Variants in RNF150 observed in about 807,000 individuals in gnomAD.
RNF150 encodes the protein ring finger protein 150.
RNF150 carries 24 observed loss-of-function variants against 39.3 expected under a neutral mutation model. The ratio of observed to expected loss-of-function variants is 0.61; its 90% CI spans 0.44 to 0.86. The LOEUF is 0.86. RNF150 is among the 40% of genes least tolerant of loss of function. RNF150 has a pLI of 0.00. For synonymous variants in RNF150, 255 were observed against 227.3 expected, an observed-to-expected ratio of 1.12 and a Z score of -1.10; for missense variants, 502 against 587.8, an observed-to-expected ratio of 0.85 and a Z score of 1.51.
At chr4:141,137,897 G>A (rs939318503), upstream of RNF150, among the ~76,000 whole-genome samples, 3 of 152,144 alleles carry the variant, frequency 2.0e-5, no homozygotes, top group African/African-American at 7.2e-5. Context: ...GCCCAGATAA[G>A]ATGGAATTAG....
intron 1 of RNF150, among the ~76,000 whole-genome samples, chr4:141,118,216 C>CCATCTAGAACACTCTACAA (rs1229722349): frequency 6.6e-6 from 1 of 152,148 alleles, no homozygotes; most frequent in Admixed American, 6.6e-5. Flanking sequence ...AATTGATAGG[C>CCATCTAGAACACTCTACAA]TGCTTAGACA....
chr4:141,108,074 T>A (rs1341133765), intron 1 of RNF150, among the ~76,000 whole-genome samples: 1 of 152,214 alleles, frequency 6.6e-6, no homozygotes, highest in Admixed American at 6.5e-5. Context: ...AGTGGAGATG[T>A]CGCAGTTCCC....
At chr4:140,875,163 GTTTT>G (rs58742685) in intron 6 of RNF150, among the ~76,000 whole-genome samples, 4 of 122,600 alleles carry the variant, frequency 3.3e-5, no homozygotes, top group Non-Finnish European at 3.5e-5. Flanking sequence ...CAATCATTAC[GTTTT>G]TTTTTTTTTT....
chr4:140,924,534 A>C (rs1197554271), intron 5 of RNF150, among the ~76,000 whole-genome samples: 1 of 151,754 alleles, frequency 6.6e-6, no homozygotes, highest in East Asian at 1.9e-4. Flanking sequence ...TCTCTGTCTC[A>C]TTGTGAGAAC....
At chr4:141,010,897 G>A (rs1735051798) in intron 1 of RNF150, among the ~76,000 whole-genome samples, 1 of 152,106 alleles carries the variant, frequency 6.6e-6, no homozygotes, top group South Asian at 2.1e-4. Flanking sequence ...AATGGGTGTA[G>A]CTTGAAGAAG....
At chr4:141,062,593 G>C (rs1737280168) in intron 1 of RNF150, among the ~76,000 whole-genome samples, 1 of 152,004 alleles carries the variant, frequency 6.6e-6, no homozygotes, top group Non-Finnish European at 1.5e-5. Flanking sequence ...TCCTTATCAA[G>C]AGCTTCTGCA....
At chr4:141,197,385 TGAGA>T (rs1728217855) in intron 1 of RNF150, among the ~76,000 whole-genome samples, 1 of 152,182 alleles carries the variant, frequency 6.6e-6, no homozygotes, top group Non-Finnish European at 1.5e-5. Context: ...ACATATAGTA[TGAGA>T]GAAGATAAAT....
intron 1 of RNF150, among the ~76,000 whole-genome samples, chr4:141,064,561 C>T (rs957842423): frequency 1.1e-4 from 17 of 152,060 alleles, no homozygotes; most frequent in African/African-American, 4.1e-4. Context: ...TATGATCACA[C>T]CTGTAAACAG....
intron 1 of RNF150, among the ~76,000 whole-genome samples, chr4:141,177,231 TA>T (rs564937333): frequency 9.2e-4 from 139 of 151,736 alleles, no homozygotes; most frequent in African/African-American, 3.2e-3. Flanking sequence ...CCTTATCTCT[TA>T]AAAAAAATGT....
upstream of RNF150, chr4:141,133,527 T>C (rs1174100743): frequency 1.3e-5 from 2 of 152,568 alleles, no homozygotes; most frequent in African/African-American, 4.8e-5. Context: ...GAGCTTAGTG[T>C]GATGTCAAAG....
chr4:141,014,107 CTT>C (rs750044909), intron 1 of RNF150, among the ~76,000 whole-genome samples: 10 of 152,104 alleles, frequency 6.6e-5, no homozygotes, highest in Non-Finnish European at 8.8e-5. Context: ...CCGTGCCTGG[CTT>C]ATTTCACTTA....
intron 6 of RNF150, among the ~76,000 whole-genome samples, chr4:140,894,609 C>T (rs953152914): frequency 6.6e-6 from 1 of 152,122 alleles, no homozygotes; most frequent in Non-Finnish European, 1.5e-5. Context: ...TTGATTGGTG[C>T]ATGCTTTGTT....
chr4:141,042,276 T>C (rs1197512951), intron 1 of RNF150, among the ~76,000 whole-genome samples: 1 of 152,114 alleles, frequency 6.6e-6, no homozygotes, highest in East Asian at 1.9e-4. Flanking sequence ...GACTCGTTTA[T>C]CTAAAGAATT....
chr4:141,066,237 G>T (rs1737453038), intron 1 of RNF150, among the ~76,000 whole-genome samples: 1 of 76,942 alleles, frequency 1.3e-5, no homozygotes, highest in Admixed American at 1.8e-4. Flanking sequence ...TTCAGTATAT[G>T]TGCGAAAAAA....
chr4:141,083,598 A>AC (rs1560729423), intron 1 of RNF150, among the ~76,000 whole-genome samples: 1 of 152,052 alleles, frequency 6.6e-6, no homozygotes, highest in Non-Finnish European at 1.5e-5. Flanking sequence ...CAAAATGAGG[A>AC]CCCTGATCAG....
rs1179862028 is a variant in RNF150 at position 140,867,248 on chromosome 4, A to T, written c.*1013T>A. ...ACTATGTTTGCCATTGGACTTAAAA[A>T]TGATTGGCTTTTCTCTAAAGCCTCC... On this transcript the variant is annotated 3_prime_UTR_variant, in exon 7 of 7. Coordinates refer to ENST00000515673, the MANE Select transcript of RNF150 (RefSeq NM_020724.2). The T allele has an allele frequency of 6.6e-6, 1 of 152,254 alleles. No homozygotes were observed. The highest frequency in any genetic ancestry group is 1.5e-5 in the Non-Finnish European group (1 of 68,056). The allele number at this position is 152,254 out of a possible 1,614,324, so 9.4% of individuals were successfully genotyped here. A position where few individuals can be genotyped will look rare whatever the true frequency, so the allele number is the denominator to read the frequency against.
At chr4:140,871,190 C>T (rs1728925580) in intron 6 of RNF150, among the ~76,000 whole-genome samples, 1 of 151,982 alleles carries the variant, frequency 6.6e-6, no homozygotes, top group Admixed American at 6.6e-5. Context: ...GGACTGGATG[C>T]ATTAGAGTCC....
intron 1 of RNF150, among the ~76,000 whole-genome samples, chr4:141,041,232 A>G (rs1049768861): frequency 1.1e-4 from 16 of 152,170 alleles, no homozygotes; most frequent in African/African-American, 3.4e-4. Context: ...GTGCTGTGAT[A>G]TAAGTACAAG....
At chr4:141,140,942 CTG>C (rs1209171081) in intron 1 of RNF150, among the ~76,000 whole-genome samples, 1 of 152,220 alleles carries the variant, frequency 6.6e-6, no homozygotes, top group Non-Finnish European at 1.5e-5. Context: ...AATCCCAGCT[CTG>C]TGCCTAATTT....
Sources: gnomAD v4.1 joint callset for allele counts (sites outside exome capture counted in the v4.1 genomes callset) on GRCh38, gnomAD v4.1.1 for gene constraint, MANE v1.5 for transcripts, NCBI Gene and HGNC (gene_info 2026-07-23, HGNC 2026-07-21) for gene names.